ZNF862: variants seen among roughly 807,000 people sequenced by gnomAD.
ZNF862 encodes the protein zinc finger protein 862.
In ZNF862, 64 loss-of-function variants were observed where a neutral mutation model predicts 91.1. That is an observed-to-expected ratio of 0.70 (90% CI 0.57 to 0.87). ZNF862 has a LOEUF of 0.87. Among genes scored for constraint, ZNF862 ranks in the 40% least tolerant of loss-of-function variants. ZNF862 has a pLI of 0.00. For synonymous variants in ZNF862, 631 were observed against 618.1 expected (o/e 1.02, Z -0.31); for missense variants, 1,459 against 1,528.0 (o/e 0.95, Z 0.75).
chr7:149,860,610 A>T lies in ZNF862; in HGVS notation c.1450A>T (p.Lys484Ter). 1 of 1,614,024 alleles carries T rather than the reference A, an allele frequency of 6.2e-7. No individual in the cohort carries two copies. The highest frequency in any genetic ancestry group is 8.5e-7 in the Non-Finnish European group (1 of 1,179,882). Reference sequence around the variant, plus strand: ...GTTAGTAATTGACCCCAAAGAGACCAAACTCTTCTGCTCAGCCTGCATAGA... The same window carrying T: ...GTTAGTAATTGACCCCAAAGAGACCTAACTCTTCTGCTCAGCCTGCATAGA... The part of the protein sequence containing the change: ...PWLVIDPKET[K>*]LFCSACIERP... The change falls in exon 7 of 8, where the codon AAA (lysine) becomes TAA (stop). Residue 484 changes from lysine (K) to a stop codon, truncating the protein, a stop_gained. Transcript: ENST00000223210. LOFTEE classifies it high-confidence loss of function.
chr7:149,860,412 G>T lies in ZNF862; in HGVS notation c.1252G>T (p.Ala418Ser), dbSNP rs371863206. ...CAAGAAGATGGTGGCAGTGAGAGAG[G>T]CAGACACACAGGCCTCGGCTGCAGA... ...GNKKMVAVRE[A>S]DTQASAADSA... Residue 418 changes from alanine (A) to serine (S), a missense_variant, in exon 7 of 8, where the codon GCA becomes TCA. Transcript: ENST00000223210. The T allele has an allele frequency of 1.6e-5, 25 of 1,612,730 alleles. No homozygotes were observed. In the African/African-American group the frequency reaches 3.3e-4, roughly 22 times the overall value.
Position 149,860,941 on chromosome 7 carries a change from G to T in ZNF862, c.1781G>T (p.Arg594Leu). ...GGGACCGTGATATTAGGCAAGTACC[G>T]CAATCGCACGGCGTGCACTCAGTTC... ...STGTVILGKY[R>L]NRTACTQFIK... The change falls in exon 7 of 8, where the codon CGC becomes CTC. Residue 594 changes from arginine to leucine, a missense_variant. Coordinates refer to ENST00000223210, the MANE Select transcript of ZNF862 (RefSeq NM_001099220.3). The T allele has an allele frequency of 1.2e-6, 2 of 1,613,656 alleles. No homozygotes were observed. The highest frequency in any genetic ancestry group is 1.1e-5 in the South Asian group (1 of 91,046).
chr7:149,853,675 C>T (rs1348768265), intron 5 of ZNF862, among the ~76,000 whole-genome samples: 1 of 152,172 alleles, frequency 6.6e-6, no homozygotes, highest in Non-Finnish European at 1.5e-5. Context: ...CGGTGGCTCA[C>T]GCCTGTAATC....
rs1802708941 is a variant in ZNF862, at chr7:149,866,060, C to T, written c.*1776C>T. ...AGCCCCTCCCTGGTACCGCAGGTAC[C>T]CTGGTACCCCACCTGCCCTTTCATC... is the stretch of plus-strand genomic sequence containing the variant. On this transcript the variant is annotated 3_prime_UTR_variant, in exon 8 of 8. Coordinates refer to ENST00000223210, the MANE Select transcript of ZNF862 (RefSeq NM_001099220.3). The T allele has an allele frequency of 6.6e-6, 1 of 152,218 alleles. No homozygotes were observed. The highest frequency in any genetic ancestry group is 1.5e-5 in the Non-Finnish European group (1 of 68,062). The allele number at this position is 152,218 out of a possible 1,614,324, so 9.4% of individuals were successfully genotyped here.
chr7:149,838,766 G>T, intron 1 of ZNF862, 131 bp downstream of exon 1: 1 of 574,690 alleles, frequency 1.7e-6, no homozygotes, highest in Non-Finnish European at 2.6e-6. Context: ...TCGCCGGCCC[G>T]CCCTCTCTTC....
chr7:149,838,527 TG>T lies in ZNF862; in HGVS notation c.-82del. 1 of 981,420 alleles carries T rather than the reference TG, an allele frequency of 1.0e-6. No individual in the cohort carries two copies. The highest frequency in any genetic ancestry group is 1.3e-6 in the Non-Finnish European group (1 of 758,844). 60.8% of individuals were successfully genotyped at this position (981,420 alleles called of 1,614,324 possible). On this transcript the variant is annotated 5_prime_UTR_variant, in exon 1 of 8. Transcript: ENST00000223210. ...TGGGTGCCCTCCCCCTCCGGGAGCC[TG>T]GGTCCCCGGGGCGGTCGCGGCGGCT...
Position 149,860,781 on chromosome 7 carries a change from A to G in ZNF862, c.1621A>G (p.Thr541Ala), listed in dbSNP as rs766813022. 11 of 1,613,840 alleles carry G rather than the reference A, an allele frequency of 6.8e-6. No individual in the cohort carries two copies. The highest frequency in any genetic ancestry group is 2.2e-5 in the South Asian group (2 of 91,092). Residue 541 changes from threonine to alanine, a missense_variant, in exon 7 of 8, where the codon ACT becomes GCT. By Grantham distance (58) the Thr-to-Ala change is moderately conservative. Coordinates refer to ENST00000223210, the MANE Select transcript of ZNF862 (RefSeq NM_001099220.3). ...TGAAATCAAGGAAGACACCCCTCACACTGCCCTCGTTCCAGAGATCTCCAG... is the reference window on the plus strand; with the variant it reads ...TGAAATCAAGGAAGACACCCCTCACGCTGCCCTCGTTCCAGAGATCTCCAG... ...TVEIKEDTPHTALVPEISSDL... is the reference protein window; with the variant it reads ...TVEIKEDTPHAALVPEISSDL...
At chr7:149,847,592 GGT>G (rs10569456) in intron 3 of ZNF862, 141 bp from the exon 4 acceptor site, 47,251 of 526,466 alleles carry the variant, frequency 0.09, 724 homozygotes, top group Admixed American at 0.11. Flanking sequence ...AGAAAATTCA[GGT>G]GTGTGTGTGT....
chr7:149,867,285 A>C lies in ZNF862; in HGVS notation c.*3001A>C, dbSNP rs1442556064. 1.3e-5 allele frequency: 2 copies of C among 152,210 alleles called. No individual in the cohort carries two copies. Among genetic ancestry groups the C allele is most frequent in the Non-Finnish European group, 2.9e-5 (2 of 68,076 alleles). 9.4% of individuals were successfully genotyped at this position (152,210 alleles called of 1,614,324 possible). ...TCTCTCCTGCAGAGGATGAGTTTCTAGGGTGCTAAGTACCTATCAGAACAG... is the reference window on the plus strand; with the variant it reads ...TCTCTCCTGCAGAGGATGAGTTTCTCGGGTGCTAAGTACCTATCAGAACAG... On this transcript the variant is annotated 3_prime_UTR_variant, in exon 8 of 8. Coordinates refer to ENST00000223210, the MANE Select transcript of ZNF862 (RefSeq NM_001099220.3).
intron 3 of ZNF862, 48 bp downstream of exon 3, chr7:149,846,303 G>C: frequency 6.9e-7 from 1 of 1,454,266 alleles, no homozygotes; most frequent in Non-Finnish European, 9.6e-7. Flanking sequence ...TGGAGAGGGA[G>C]CATGGGCAGC....
chr7:149,860,506 A>G lies in ZNF862; in HGVS notation c.1346A>G (p.Glu449Gly), dbSNP rs1013456804. The G allele has an allele frequency of 1.9e-6, 3 of 1,613,856 alleles. No individual in the cohort carries two copies. Among genetic ancestry groups the G allele is most frequent in the African/African-American group, 1.3e-5 (1 of 74,914 alleles). The change falls in exon 7 of 8, where the codon GAA becomes GGA. Residue 449 changes from glutamate to glycine, a missense_variant. Glu to Gly is a moderately conservative substitution (Grantham distance 98). Transcript: ENST00000223210. ...TGCTGCAGTTCCAGCATTTGTGAGGAAGGAGATGGACCTAGGAGAATCAAG... is the reference window on the plus strand; with the variant it reads ...TGCTGCAGTTCCAGCATTTGTGAGGGAGGAGATGGACCTAGGAGAATCAAG... ...ASCCSSSICE[E>G]GDGPRRIKRT...
In ZNF862 at chr7:149,860,635, A is replaced by G. The variant is rs1455235793; in HGVS notation, c.1475A>G (p.Glu492Gly). 1 of 1,613,908 alleles carries G rather than the reference A, an allele frequency of 6.2e-7. No homozygotes were observed. The highest frequency in any genetic ancestry group is 1.3e-5 in the African/African-American group (1 of 74,930). Residue 492 changes from glutamate to glycine, a missense_variant, in exon 7 of 8, where the codon GAA (glutamate) becomes GGA (glycine). By Grantham distance (98) the Glu-to-Gly change is moderately conservative. Transcript: ENST00000223210. ...ETKLFCSACI[E>G]RPNLHDKSSR... Reference sequence around the variant, plus strand: ...AAACTCTTCTGCTCAGCCTGCATAGAAAGACCTAATCTCCATGATAAATCA... The same window carrying G: ...AAACTCTTCTGCTCAGCCTGCATAGGAAGACCTAATCTCCATGATAAATCA...
rs1802436149 is a variant in ZNF862, at chr7:149,860,660, A to C, written c.1500A>C (p.Ser500=). ...CIERPNLHDK[S]SRLVRGYTGP... ...AAAGACCTAATCTCCATGATAAATCATCTCGGTTAGTCAGAGGTTACACGG... is the reference window on the plus strand; with the variant it reads ...AAAGACCTAATCTCCATGATAAATCCTCTCGGTTAGTCAGAGGTTACACGG... The change falls in exon 7 of 8, where the codon TCA becomes TCC. Residue 500 remains serine, a synonymous_variant. Coordinates refer to ENST00000223210, the MANE Select transcript of ZNF862 (RefSeq NM_001099220.3). 6.2e-7 allele frequency: 1 copy of C among 1,613,892 alleles called. No homozygotes were observed. Among genetic ancestry groups the C allele is most frequent in the African/African-American group, 1.3e-5 (1 of 74,928 alleles).
chr7:149,848,570 ATGC>A, intron 4 of ZNF862, 138 bp downstream of exon 4: 3 of 678,526 alleles, frequency 4.4e-6, no homozygotes, highest in South Asian at 2.6e-5. Flanking sequence ...ATATACCAAC[ATGC>A]TTATCATGGA....
intron 3 of ZNF862, 81 bp from the exon 4 acceptor site, chr7:149,847,654 G>T: frequency 1.2e-6 from 1 of 856,174 alleles, no homozygotes; most frequent in Non-Finnish European, 1.8e-6. Flanking sequence ...TTCATATTTG[G>T]TGTACCTCAG....
At position 149,850,648 on chromosome 7, in the gene ZNF862, C is replaced by A; in HGVS notation, c.1117+310C>A. Reference sequence around the variant, plus strand: ...CTAGCACGTTTGTGGGAGAGACAGACATTTTAATAAGAAACTATAAAATAA... The same window carrying A: ...CTAGCACGTTTGTGGGAGAGACAGAAATTTTAATAAGAAACTATAAAATAA... On this transcript the variant is annotated intron_variant, in intron 5 of 7. Coordinates refer to ENST00000223210, the MANE Select transcript of ZNF862 (RefSeq NM_001099220.3). This position sits in a 1 kb window ranked among gnomAD's most constrained non-coding sequence, Gnocchi z 4.2. The A allele has an allele frequency of 3.8e-6, 1 of 263,146 alleles. No individual in the cohort carries two copies. 16.3% of individuals were successfully genotyped at this position (263,146 alleles called of 1,614,324 possible). A position where few individuals can be genotyped will look rare whatever the true frequency, so the allele number is the denominator to read the frequency against.
In ZNF862 at chr7:149,838,383, T is replaced by C. The variant is rs1047956222; in HGVS notation, c.-229T>C. The stretch of plus-strand genomic sequence containing the variant: ...GCCGCCTGGGGCTGGGCAGTGACCG[T>C]AAAGCTGTTCGCTCGGTGCGACGCA... On this transcript the variant is annotated 5_prime_UTR_variant, in exon 1 of 8. Coordinates refer to ENST00000223210, the MANE Select transcript of ZNF862 (RefSeq NM_001099220.3). The C allele has an allele frequency of 5.1e-6, 2 of 394,294 alleles. No individual in the cohort carries two copies. The highest frequency in any genetic ancestry group is 2.1e-5 in the African/African-American group (1 of 48,474). 24.4% of individuals were successfully genotyped at this position (394,294 alleles called of 1,614,324 possible). A position where few individuals can be genotyped will look rare whatever the true frequency, so the allele number is the denominator to read the frequency against.
Position 149,847,815 on chromosome 7 carries a change from A to G in ZNF862, c.322A>G (p.Lys108Glu). Reference sequence around the variant, plus strand: ...GAGTGGACAGTCCCTCCCGCCTCAGAAGAAAGCCTACCTTTCCCACCTCAG... The same window carrying G: ...GAGTGGACAGTCCCTCCCGCCTCAGGAGAAAGCCTACCTTTCCCACCTCAG... ...RESGQSLPPQ[K>E]KAYLSHLSTG... The change falls in exon 4 of 8, where the codon AAG (lysine) becomes GAG (glutamate). Residue 108 changes from lysine to glutamate, a missense_variant. Transcript: ENST00000223210. The G allele has an allele frequency of 1.2e-6, 2 of 1,613,916 alleles. No individual in the cohort carries two copies. Among genetic ancestry groups the G allele is most frequent in the Non-Finnish European group, 1.7e-6 (2 of 1,179,858 alleles).
intron 1 of ZNF862, 117 bp from the exon 2 acceptor site, chr7:149,844,508 G>C (rs1017613602): frequency 1.5e-6 from 1 of 650,878 alleles, no homozygotes; most frequent in Admixed American, 2.5e-5. Context: ...TGTGGGCCAT[G>C]CATGTAAATT....
Sources: gnomAD v4.1 joint callset for allele counts (sites outside exome capture counted in the v4.1 genomes callset) on GRCh38, gnomAD v4.1.1 for gene constraint, Gnocchi (gnomAD v3.1) non-coding constraint, MANE v1.5 for transcripts, NCBI Gene and HGNC (gene_info 2026-07-23, HGNC 2026-07-21) for gene names.